Variants in PDE4D observed in about 807,000 individuals in gnomAD.
PDE4D encodes 3',5'-cyclic-AMP phosphodiesterase 4D.
In PDE4D, 24 loss-of-function variants were observed where a neutral mutation model predicts 87.4. The ratio of observed to expected loss-of-function variants is 0.27; its 90% CI spans 0.20 to 0.39. PDE4D has a LOEUF of 0.39. Ranked by LOEUF, PDE4D falls within the 10% of genes least tolerant of loss-of-function variation. PDE4D has a pLI of 1.00. For missense variants in PDE4D, 714 were observed against 1,041.0 expected, an observed-to-expected ratio of 0.69 and a Z score of 4.32; for synonymous variants, 384 against 383.2, an observed-to-expected ratio of 1.00 and a Z score of -0.02.
chr5:59,759,168 T>C (rs1761659585), intron 1 of PDE4D, among the ~76,000 whole-genome samples: 1 of 152,164 alleles, frequency 6.6e-6, no homozygotes, highest in Non-Finnish European at 1.5e-5. Flanking sequence ...AAAAAAGTGC[T>C]GAAACTCCTT....
intron 3 of PDE4D, among the ~76,000 whole-genome samples, chr5:59,959,021 A>G (rs1252464501): frequency 6.6e-6 from 1 of 152,066 alleles, no homozygotes; most frequent in Non-Finnish European, 1.5e-5. Flanking sequence ...ATGTACGAAA[A>G]TCAGTAGCAT....
intron 1 of PDE4D, among the ~76,000 whole-genome samples, chr5:59,818,239 G>T (rs1389026788): frequency 6.6e-6 from 1 of 152,222 alleles, no homozygotes; most frequent in Non-Finnish European, 1.5e-5. Context: ...TCGCCTAGCT[G>T]TGTGAGCTTG....
intron 1 of PDE4D, among the ~76,000 whole-genome samples, chr5:59,521,473 G>T (rs975160331): frequency 6.6e-6 from 1 of 152,112 alleles, no homozygotes; most frequent in Non-Finnish European, 1.5e-5. Context: ...CCTAATCCAG[G>T]TCATCCTCAT....
At chr5:60,159,494 AC>A (rs1194703522) in intron 2 of PDE4D, among the ~76,000 whole-genome samples, 1 of 152,172 alleles carries the variant, frequency 6.6e-6, no homozygotes, top group Non-Finnish European at 1.5e-5. Context: ...CTTTTATATC[AC>A]CGGCCATGCA....
intron 1 of PDE4D, among the ~76,000 whole-genome samples, chr5:60,364,242 G>A (rs1760332781): frequency 6.6e-6 from 1 of 152,110 alleles, no homozygotes; most frequent in South Asian, 2.1e-4. Flanking sequence ...GGATCCTGTT[G>A]AGCTATTTTC....
chr5:60,485,696 ATTGCTG>A (rs143450444), intron 1 of PDE4D, among the ~76,000 whole-genome samples: 20,255 of 151,966 alleles, frequency 0.13, 2,593 homozygotes, highest in African/African-American at 0.33. Context: ...AAGATCAACT[ATTGCTG>A]TTTGGGAGAT....
At chr5:59,595,672 GTTA>G (rs1332379518) in intron 1 of PDE4D, among the ~76,000 whole-genome samples, 3 of 152,090 alleles carry the variant, frequency 2.0e-5, no homozygotes, top group South Asian at 2.1e-4. Context: ...GCTTACAAAA[GTTA>G]TTATTCTCTT....
At chr5:59,092,883 G>A (rs1200942647) in intron 5 of PDE4D, among the ~76,000 whole-genome samples, 1 of 152,018 alleles carries the variant, frequency 6.6e-6, no homozygotes, top group Non-Finnish European at 1.5e-5. Context: ...TCTACTCTAA[G>A]GTGCTCTTCC....
At chr5:59,084,651 C>T (rs1767354571) in intron 5 of PDE4D, among the ~76,000 whole-genome samples, 1 of 151,966 alleles carries the variant, frequency 6.6e-6, no homozygotes. Flanking sequence ...CTTCGAGAGG[C>T]AGAGGCAGTC....
chr5:59,702,652 T>G (rs1228660439), intron 1 of PDE4D, among the ~76,000 whole-genome samples: 1 of 151,890 alleles, frequency 6.6e-6, no homozygotes, highest in Non-Finnish European at 1.5e-5. Flanking sequence ...GAAGATGGCT[T>G]GAGTCCAGGA....
rs1021878308 is a variant in PDE4D at position 59,878,177 on chromosome 5, A to T, written c.455+14991T>A. The stretch of plus-strand genomic sequence containing the variant: ...TCATCTTTTTCAGATGAGTTGAGAA[A>T]ACCAATTTAACTAAATTAATGCAAT... On this transcript the variant is annotated intron_variant, in intron 1 of 14. Coordinates refer to ENST00000340635, the MANE Select transcript of PDE4D (RefSeq NM_001104631.2). Among the ~76,000 whole-genome samples, 10 of 152,314 alleles carry T rather than the reference A, an allele frequency of 6.6e-5. No individual in the cohort carries two copies. In the South Asian group the frequency reaches 2.1e-3, roughly 32 times the overall value.
At chr5:60,260,894 T>C (rs1749579135) in intron 1 of PDE4D, among the ~76,000 whole-genome samples, 2 of 152,094 alleles carry the variant, frequency 1.3e-5, no homozygotes, top group Admixed American at 6.6e-5. Flanking sequence ...GGAAAAGAGA[T>C]AGACTTGATA....
chr5:60,116,927 T>C (rs1438563307), intron 2 of PDE4D, among the ~76,000 whole-genome samples: 1 of 152,068 alleles, frequency 6.6e-6, no homozygotes, highest in Non-Finnish European at 1.5e-5. Context: ...TCTGAGATTA[T>C]GAGATCTGAA....
At chr5:60,152,999 C>A (rs1319895953) in intron 2 of PDE4D, among the ~76,000 whole-genome samples, 1 of 152,094 alleles carries the variant, frequency 6.6e-6, no homozygotes. Flanking sequence ...ACATCAAAAG[C>A]ACAAACAACA....
intron 1 of PDE4D, among the ~76,000 whole-genome samples, chr5:59,639,689 G>A (rs1741210548): frequency 1.3e-5 from 2 of 152,162 alleles, no homozygotes; most frequent in African/African-American, 2.4e-5. Flanking sequence ...TCAATGGGCA[G>A]TGCACAGTGG....
chr5:60,264,725 C>A (rs1273060973), intron 1 of PDE4D, among the ~76,000 whole-genome samples: 3 of 152,186 alleles, frequency 2.0e-5, no homozygotes, highest in Non-Finnish European at 4.4e-5. Flanking sequence ...TTCTCTTTGG[C>A]TTGCTTGGGA....
chr5:60,099,818 G>T (rs1344451364), intron 2 of PDE4D, among the ~76,000 whole-genome samples: 4 of 151,896 alleles, frequency 2.6e-5, no homozygotes, highest in Non-Finnish European at 5.9e-5. Context: ...AGGGAAATCT[G>T]GAAATTTCTA....
At chr5:59,737,541 T>C (rs1429302343) in intron 1 of PDE4D, among the ~76,000 whole-genome samples, 1 of 152,112 alleles carries the variant, frequency 6.6e-6, no homozygotes, top group Non-Finnish European at 1.5e-5. Context: ...GGCCACGGTA[T>C]TGTGAAAAAC....
intron 5 of PDE4D, among the ~76,000 whole-genome samples, chr5:59,177,661 G>A (rs903572605): frequency 1.3e-5 from 2 of 152,140 alleles, no homozygotes; most frequent in African/African-American, 4.8e-5. Flanking sequence ...ATAATTCTAG[G>A]GGCACCATGT....
Sources: gnomAD v4.1 joint callset for allele counts (sites outside exome capture counted in the v4.1 genomes callset) on GRCh38, gnomAD v4.1.1 for gene constraint, MANE v1.5 for transcripts, NCBI Gene and HGNC (gene_info 2026-07-23, HGNC 2026-07-21) for gene names.